The following MYO9B variants were observed in gnomAD, a reference collection of about 807,000 sequenced individuals.
MYO9B encodes the protein myosin IXB, also known as unconventional myosin-IXb.
Under a neutral mutation model 229.5 loss-of-function variants are expected in MYO9B, and 71 were observed. That is an observed-to-expected ratio of 0.31 (90% CI 0.26 to 0.38). The LOEUF (loss-of-function observed/expected upper bound fraction) is 0.38, where lower values mean the gene tolerates loss of function less well. Ranked by LOEUF, MYO9B falls within the 10% of genes least tolerant of loss-of-function variation. The pLI, the probability that MYO9B is intolerant of heterozygous loss-of-function variation, is 1.00. For synonymous variants in MYO9B, 1,185 were observed against 1,235.8 expected (o/e 0.96, Z 0.86); for missense variants, 2,255 against 2,920.5 (o/e 0.77, Z 5.25).
Position 17,195,893 on chromosome 19 carries a change from TCCC to T in MYO9B, c.4046+421_4046+423del, listed in dbSNP as rs2073037118. 6.6e-6 allele frequency among the ~76,000 whole-genome samples: 1 copy of T among 151,602 alleles called. No homozygotes were observed. Among genetic ancestry groups the T allele is most frequent in the Non-Finnish European group, 1.5e-5 (1 of 67,918 alleles). On this transcript the variant is annotated intron_variant, in intron 22 of 39. Transcript: ENST00000682292. This position sits in a 1 kb window ranked among gnomAD's most constrained non-coding sequence, Gnocchi z 4.5. ...GTGTCAGTGACTTGGAATCTCCAGCTCCCTCTTCCAGAGGGCCTGCAGGACCAA... is the reference window on the plus strand; with the variant it reads ...GTGTCAGTGACTTGGAATCTCCAGCTTCTTCCAGAGGGCCTGCAGGACCAA...
At position 17,102,327 on chromosome 19, in the gene MYO9B, G is replaced by A. The variant is rs202049017; in HGVS notation, c.610G>A (p.Glu204Lys). 24 of 1,613,926 alleles carry A rather than the reference G, an allele frequency of 1.5e-5. No individual in the cohort carries two copies. The highest frequency in any genetic ancestry group is 1.9e-5 in the Non-Finnish European group (22 of 1,179,910). Residue 204 changes from glutamate to lysine, a missense_variant, in exon 2 of 40, where the codon GAG (glutamate) becomes AAG (lysine). Physicochemically the swap from Glu to Lys is moderately conservative, Grantham distance 56. Coordinates refer to ENST00000682292, the MANE Select transcript of MYO9B (RefSeq NM_004145.4). ...CAACCCCAAGTACGTGAAGATGTAT[G>A]AGAACCAGCAGCTGGGCAAGCTGGA... is the stretch of plus-strand genomic sequence containing the variant. ...IYNPKYVKMY[E>K]NQQLGKLEPH...
At chr19:17,138,698 C>T (rs2072301712) in intron 2 of MYO9B, among the ~76,000 whole-genome samples, 1 of 152,182 alleles carries the variant, frequency 6.6e-6, no homozygotes, top group South Asian at 2.1e-4. Context: ...TTACGCATTG[C>T]TTAACTATGG....
chr19:17,205,381 A>T (rs1438361025), intron 31 of MYO9B, 45 bp downstream of exon 31: 8 of 1,569,702 alleles, frequency 5.1e-6, no homozygotes, highest in Middle Eastern at 1.7e-4. Context: ...CACTCCACTC[A>T]CGGCCAGGTG....
chr19:17,143,595 C>T (rs573810213), intron 2 of MYO9B, among the ~76,000 whole-genome samples: 1 of 152,214 alleles, frequency 6.6e-6, no homozygotes, highest in East Asian at 1.9e-4. Context: ...AGTGGGGCCT[C>T]CTGGAGGGTG....
At chr19:17,179,575 C>T (rs929073582) in intron 14 of MYO9B, among the ~76,000 whole-genome samples, 11 of 151,276 alleles carry the variant, frequency 7.3e-5, no homozygotes, top group South Asian at 6.3e-4. Flanking sequence ...TACAGGCATG[C>T]GCCACCATGC....
chr19:17,183,922 G>A (rs780356407), intron 16 of MYO9B, 54 bp downstream of exon 16: 62 of 1,507,170 alleles, frequency 4.1e-5, no homozygotes, highest in Non-Finnish European at 5.5e-5. Flanking sequence ...TTGCTTCTCT[G>A]CCCGTCTTGA....
At chr19:17,135,348 G>A (rs778197942) in intron 2 of MYO9B, among the ~76,000 whole-genome samples, 6 of 152,086 alleles carry the variant, frequency 3.9e-5, no homozygotes, top group Non-Finnish European at 7.3e-5. Flanking sequence ...ATAGCCTGGG[G>A]GGACCATGGC....
intron 1 of MYO9B, among the ~76,000 whole-genome samples, chr19:17,091,120 A>T (rs1410139946): frequency 1.3e-5 from 2 of 152,232 alleles, no homozygotes; most frequent in Non-Finnish European, 2.9e-5. Context: ...AAATAACGCC[A>T]TGTGTAGTAT....
At chr19:17,078,852 A>T (rs2123417985) in intron 1 of MYO9B, among the ~76,000 whole-genome samples, 1 of 152,304 alleles carries the variant, frequency 6.6e-6, no homozygotes, top group South Asian at 2.1e-4. Flanking sequence ...TATCTTCCTG[A>T]TACAGAAACA....
At chr19:17,131,794 G>A (rs578225143) in intron 2 of MYO9B, among the ~76,000 whole-genome samples, 2 of 152,218 alleles carry the variant, frequency 1.3e-5, no homozygotes, top group South Asian at 4.1e-4. Context: ...AACCGTGACT[G>A]GGGGGAAGCT....
chr19:17,209,459 G>A, intron 35 of MYO9B, 127 bp from the exon 36 acceptor site: 1 of 971,806 alleles, frequency 1.0e-6, no homozygotes, highest in East Asian at 2.6e-5. Context: ...GCACAGCCGT[G>A]TCCCAGGCAC....
chr19:17,100,776 A>G (rs904713193), intron 1 of MYO9B, among the ~76,000 whole-genome samples: 2 of 152,108 alleles, frequency 1.3e-5, no homozygotes, highest in African/African-American at 4.8e-5. Flanking sequence ...TGGCTTCAGA[A>G]GCAACCACAC....
chr19:17,211,076 C>T (rs773899253), intron 38 of MYO9B, among the ~76,000 whole-genome samples: 5 of 151,038 alleles, frequency 3.3e-5, no homozygotes, highest in East Asian at 1.9e-4. Flanking sequence ...CTCCATCTCC[C>T]GGGTTCAAGC....
rs1568299433 is a variant in MYO9B, at chr19:17,200,455, CAGT to C, written c.4372+32_4372+34del. 5.8e-6 allele frequency: 9 copies of C among 1,549,374 alleles called. No homozygotes were observed. The South Asian group carries it at 8.3e-5, about 14-fold the overall frequency. Reference sequence around the variant, plus strand: ...GGTAGCCTGCAGCCTCAGGGACAGACAGTAGAGCCACCAGTGCCCCTGGGGACA... The same window carrying C: ...GGTAGCCTGCAGCCTCAGGGACAGACAGAGCCACCAGTGCCCCTGGGGACA... On this transcript the variant is annotated intron_variant, in intron 25 of 39. Coordinates refer to ENST00000682292, the MANE Select transcript of MYO9B (RefSeq NM_004145.4).
At chr19:17,184,131 GT>G (rs2145415695) in intron 16 of MYO9B, 1 of 520,748 alleles carries the variant, frequency 1.9e-6, no homozygotes, top group Admixed American at 3.7e-5. Flanking sequence ...GAGAGAAGGG[GT>G]GAGGGAGGAA....
chr19:17,099,386 G>A (rs112486628), intron 1 of MYO9B: 2 of 152,286 alleles, frequency 1.3e-5, no homozygotes, highest in African/African-American at 2.4e-5. Flanking sequence ...GGGGGGAGGA[G>A]GGTGAGGGTG....
Position 17,172,672 on chromosome 19 carries a change from C to T in MYO9B, c.1936-87C>T, listed in dbSNP as rs531079843. 2 of 1,533,256 alleles carry T rather than the reference C, an allele frequency of 1.3e-6. No individual in the cohort carries two copies. Among genetic ancestry groups the T allele is most frequent in the Admixed American group, 1.7e-5 (1 of 59,332 alleles). The allele number at this position is 1,533,256 out of a possible 1,614,324, so 95.0% of individuals were successfully genotyped here. The stretch of plus-strand genomic sequence containing the variant: ...CTTAGGATGGGCCCCACCCCACCGT[C>T]AGCCCTTCCTGCGCCAGCCCGGGGT... On this transcript the variant is annotated intron_variant, in intron 12 of 39. Coordinates refer to ENST00000682292, the MANE Select transcript of MYO9B (RefSeq NM_004145.4). This position sits in a 1 kb window ranked among gnomAD's most constrained non-coding sequence, Gnocchi z 8.2.
At chr19:17,197,709 G>A in intron 22 of MYO9B, 83 bp from the exon 23 acceptor site, 1 of 1,536,858 alleles carries the variant, frequency 6.5e-7, no homozygotes, top group Non-Finnish European at 9.0e-7. Flanking sequence ...AACTGCCCAA[G>A]TGAGAACCCA....
chr19:17,207,271 A>G (rs2073173187), intron 35 of MYO9B, 27 bp downstream of exon 35: 3 of 1,583,354 alleles, frequency 1.9e-6, no homozygotes, highest in Non-Finnish European at 2.6e-6. Context: ...CCCCGGAGGC[A>G]TGCTCAGGGC....
Sources: gnomAD v4.1 joint callset for allele counts (sites outside exome capture counted in the v4.1 genomes callset) on GRCh38, gnomAD v4.1.1 for gene constraint, Gnocchi (gnomAD v3.1) non-coding constraint, MANE v1.5 for transcripts, NCBI Gene and HGNC (gene_info 2026-07-23, HGNC 2026-07-21) for gene names.